Variants in DNAH3 observed in about 807,000 individuals in gnomAD.
DNAH3 encodes axonemal beta dynein heavy chain 3.
Under a neutral mutation model 432.5 loss-of-function variants are expected in DNAH3, and 332 were observed. The ratio of observed to expected loss-of-function variants is 0.77; its 90% CI spans 0.70 to 0.84. The LOEUF (loss-of-function observed/expected upper bound fraction) is 0.84. DNAH3 is among the 40% of genes least tolerant of loss of function. The probability of loss-of-function intolerance (pLI) is 0.00; values close to 1 mark genes in which losing one functional copy is unlikely to be tolerated. For synonymous variants in DNAH3, 1,956 were observed against 1,900.2 expected, an observed-to-expected ratio of 1.03 and a Z score of -0.76; for missense variants, 4,861 against 5,114.0, an observed-to-expected ratio of 0.95 and a Z score of 1.51.
At chr16:20,935,532 G>A in intron 60 of DNAH3, 47 bp from the exon 61 acceptor site, 5 of 1,591,088 alleles carry the variant, frequency 3.1e-6, no homozygotes, top group Non-Finnish European at 4.3e-6. Context: ...ACACATCAAA[G>A]ATAGTTCAAA....
At chr16:21,001,728 G>A (rs1352235328) in intron 42 of DNAH3, among the ~76,000 whole-genome samples, 3 of 152,122 alleles carry the variant, frequency 2.0e-5, no homozygotes, top group African/African-American at 4.8e-5. Flanking sequence ...AATGAGGCTC[G>A]AAGAAACTGG....
intron 14 of DNAH3, among the ~76,000 whole-genome samples, chr16:21,108,304 AT>A (rs1271786819): frequency 6.6e-6 from 1 of 152,232 alleles, no homozygotes; most frequent in African/African-American, 2.4e-5. Context: ...TTTCACTTAT[AT>A]TAAAAAGACC....
At chr16:20,979,345 G>C (rs1440603529) in exon 50 of DNAH3, 1 of 1,614,104 alleles carries the variant, frequency 6.2e-7, no homozygotes, top group Admixed American at 1.7e-5. Context: ...AAGCTGCAAA[G>C]TCGAGTTTCT....
intron 33 of DNAH3, among the ~76,000 whole-genome samples, chr16:21,039,417 C>T (rs2152731199): frequency 6.6e-6 from 1 of 151,808 alleles, no homozygotes; most frequent in African/African-American, 2.4e-5. Flanking sequence ...ACAGGGTTTC[C>T]CCATGTTGGC....
chr16:21,054,442 G>C, exon 28 of DNAH3: 1 of 1,614,076 alleles, frequency 6.2e-7, no homozygotes, highest in Non-Finnish European at 8.5e-7. Flanking sequence ...TGACCGTGAG[G>C]GCCCCGAGAG....
intron 55 of DNAH3, among the ~76,000 whole-genome samples, chr16:20,953,722 C>G (rs1026228725): frequency 9.2e-5 from 14 of 151,954 alleles, no homozygotes; most frequent in African/African-American, 2.4e-4. Flanking sequence ...CAGGCTTGTG[C>G]TACTATGTCA....
In DNAH3 at chr16:21,078,488, T is replaced by C. The variant is rs180774435; in HGVS notation, c.2970-2927A>G. Among the ~76,000 whole-genome samples the C allele has an allele frequency of 5.3e-5, 8 of 152,172 alleles. No individual in the cohort carries two copies. The East Asian group carries it at 1.5e-3, about 29-fold the overall frequency. On this transcript the variant is annotated intron_variant, in intron 20 of 61. Transcript: ENST00000261383. ...CTGTGAGAGGTGACCAAAATGAGTG[T>C]GCATATAGGGAATAATTAATAAAGG...
intron 18 of DNAH3, among the ~76,000 whole-genome samples, chr16:21,096,708 T>C (rs79294125): frequency 0.014 from 2,182 of 152,276 alleles, 49 homozygotes; most frequent in African/African-American, 0.049. Flanking sequence ...CTTCTCTTTT[T>C]CAGTGATGGT....
chr16:21,107,582 T>C (rs1255918623), intron 14 of DNAH3, among the ~76,000 whole-genome samples: 9 of 152,158 alleles, frequency 5.9e-5, no homozygotes, highest in Non-Finnish European at 1.3e-4. Context: ...TTTATCCTCA[T>C]GGGCTACAGG....
At chr16:21,078,817 C>A (rs955252195) in intron 20 of DNAH3, among the ~76,000 whole-genome samples, 1 of 152,222 alleles carries the variant, frequency 6.6e-6, no homozygotes, top group African/African-American at 2.4e-5. Flanking sequence ...TAACTATGGG[C>A]TGTGATGAAG....
intron 23 of DNAH3, among the ~76,000 whole-genome samples, chr16:21,067,908 C>T (rs1318239630): frequency 6.6e-6 from 1 of 151,892 alleles, no homozygotes; most frequent in Non-Finnish European, 1.5e-5. Context: ...TGAGGCTTGG[C>T]TGTGCTATTT....
In DNAH3 at chr16:21,097,436, T is replaced by A. The variant is rs765448289; in HGVS notation, c.2584A>T (p.Met862Leu). Reference sequence around the variant, plus strand: ...TCATAAGGTACTTTGTTCTTCAGCATGGCCTGCAGAAGAGGGTAAGTACTC... The same window carrying A: ...TCATAAGGTACTTTGTTCTTCAGCAAGGCCTGCAGAAGAGGGTAAGTACTC... Residue 862 changes from methionine to leucine, a missense_variant, in exon 18 of 62, where the codon ATG becomes TTG. Physicochemically the swap from Met to Leu is conservative, Grantham distance 15. Coordinates refer to ENST00000261383, the Ensembl canonical transcript of DNAH3. The A allele has an allele frequency of 3.7e-6, 6 of 1,613,932 alleles. No individual in the cohort carries two copies. In the South Asian group the frequency reaches 4.4e-5, roughly 12 times the overall value.
intron 1 of DNAH3, 78 bp from the exon 2 acceptor site, chr16:21,150,612 C>G: frequency 5.1e-6 from 1 of 194,688 alleles, no homozygotes. Flanking sequence ...GGCTCTGGTT[C>G]CTAGTCCCCC....
At chr16:21,042,752 T>C (rs563216676) in intron 31 of DNAH3, among the ~76,000 whole-genome samples, 1 of 152,294 alleles carries the variant, frequency 6.6e-6, no homozygotes, top group Non-Finnish European at 1.5e-5. Context: ...ACATGTGCCA[T>C]GCTGGTGCGC....
At chr16:21,054,727 A>T (rs946173635) in intron 27 of DNAH3, among the ~76,000 whole-genome samples, 193 bp from the exon 28 acceptor site, 4 of 152,332 alleles carry the variant, frequency 2.6e-5, no homozygotes, top group Non-Finnish European at 4.4e-5. Flanking sequence ...TGAAAGAGGC[A>T]AGATTTGGAA....
At chr16:21,142,014 C>T (rs1378506936) in intron 3 of DNAH3, among the ~76,000 whole-genome samples, 1 of 151,326 alleles carries the variant, frequency 6.6e-6, no homozygotes. Flanking sequence ...GATCGTGCCA[C>T]TGCACTCCAT....
chr16:20,944,399 A>T, intron 58 of DNAH3, 97 bp downstream of exon 58: 1 of 1,438,494 alleles, frequency 7.0e-7, no homozygotes, highest in Non-Finnish European at 9.6e-7. Flanking sequence ...CCAGGCCCCC[A>T]CTCTCTGCCT....
chr16:20,969,163 CCT>C (rs2085205889), intron 52 of DNAH3, among the ~76,000 whole-genome samples: 1 of 146,694 alleles, frequency 6.8e-6, no homozygotes, highest in African/African-American at 2.5e-5. Context: ...TCCTGGTCCC[CCT>C]GTCCCTTTGG....
At chr16:21,049,760 G>A (rs564338506) in intron 30 of DNAH3, 78 bp from the exon 31 acceptor site, 1 of 1,414,800 alleles carries the variant, frequency 7.1e-7, no homozygotes, top group East Asian at 2.3e-5. Flanking sequence ...TTCAACAGCA[G>A]TGGGCTCCTC....
Sources: gnomAD v4.1 joint callset for allele counts (sites outside exome capture counted in the v4.1 genomes callset) on GRCh38, gnomAD v4.1.1 for gene constraint, MANE v1.5 for transcripts, NCBI Gene and HGNC (gene_info 2026-07-23, HGNC 2026-07-21) for gene names.